Variants in LSM14A observed in about 807,000 individuals in gnomAD.
LSM14A encodes protein LSM14 homolog A.
LSM14A carries 14 observed loss-of-function variants against 52.4 expected under a neutral mutation model. That is an observed-to-expected ratio of 0.27 (90% CI 0.18 to 0.42). The LOEUF is 0.42. Ranked by LOEUF, LSM14A falls within the 10% of genes least tolerant of loss-of-function variation. LSM14A has a pLI of 1.00. For synonymous variants in LSM14A, 185 were observed against 200.3 expected (o/e 0.92, Z 0.64); for missense variants, 417 against 581.8 (o/e 0.72, Z 2.91).
At chr19:34,197,431 C>CTTTTTTTTTTTTTTTTTTTTTTTTT (rs531343486) in intron 3 of LSM14A, among the ~76,000 whole-genome samples, 2 of 63,304 alleles carry the variant, frequency 3.2e-5, no homozygotes, top group Non-Finnish European at 5.6e-5. Context: ...ATTTCTTTTT[C>CTTTTTTTTTTTTTTTTTTTTTTTTT]TTTTTTTTTT....
chr19:34,227,334 A>G (rs769627806), intron 9 of LSM14A, 31 bp from the exon 10 acceptor site: 1 of 1,511,504 alleles, frequency 6.6e-7, no homozygotes, highest in Non-Finnish European at 9.1e-7. Context: ...AATAATTTGG[A>G]ACATGAGCTA....
At chr19:34,221,482 T>C in intron 8 of LSM14A, 25 bp from the exon 9 acceptor site, 5 of 1,604,214 alleles carry the variant, frequency 3.1e-6, no homozygotes, top group Non-Finnish European at 4.3e-6. Flanking sequence ...CCTGATATGC[T>C]GAAGATTATT....
At chr19:34,191,978 T>C (rs1247067215) in intron 1 of LSM14A, among the ~76,000 whole-genome samples, 1 of 148,718 alleles carries the variant, frequency 6.7e-6, no homozygotes, top group Non-Finnish European at 1.5e-5. Context: ...CCTGTCCCCA[T>C]CTTAGCAAGT....
chr19:34,179,052 T>TA (rs1021545122), intron 1 of LSM14A, among the ~76,000 whole-genome samples: 5 of 152,218 alleles, frequency 3.3e-5, no homozygotes, highest in Admixed American at 6.5e-5. Context: ...GAAATTCTTA[T>TA]AAAAAATAAA....
At position 34,172,540 on chromosome 19, in the gene LSM14A, C is replaced by G; in HGVS notation, c.-103C>G. ...CGCCGCCGCCATGTTGGGTCTGAAGCGGCTGCTGTAGGCGCCGACGGAGCG... is the reference window on the plus strand; with the variant it reads ...CGCCGCCGCCATGTTGGGTCTGAAGGGGCTGCTGTAGGCGCCGACGGAGCG... On this transcript the variant is annotated 5_prime_UTR_variant, in exon 1 of 10. Transcript: ENST00000544216. 4.5e-6 allele frequency: 6 copies of G among 1,330,942 alleles called. No homozygotes were observed. The highest frequency in any genetic ancestry group is 5.9e-6 in the Non-Finnish European group (6 of 1,025,406). 82.4% of individuals were successfully genotyped at this position (1,330,942 alleles called of 1,614,324 possible).
intron 2 of LSM14A, chr19:34,195,250 T>C (rs1229155516): frequency 6.6e-6 from 1 of 150,740 alleles, no homozygotes; most frequent in African/African-American, 2.4e-5. Flanking sequence ...TGAACTCGGC[T>C]CACTACAACC....
intron 5 of LSM14A, 39 bp downstream of exon 5, chr19:34,215,339 T>A (rs745782065): frequency 2.0e-6 from 3 of 1,526,630 alleles, no homozygotes; most frequent in Non-Finnish European, 8.8e-7. Context: ...AATTGACTGA[T>A]CAATGTTTTC....
intron 1 of LSM14A, among the ~76,000 whole-genome samples, chr19:34,173,832 A>T (rs545128677): frequency 1.0e-4 from 15 of 150,388 alleles, no homozygotes; most frequent in Admixed American, 9.4e-4. Flanking sequence ...ATAAAGAAGA[A>T]GATTTTCGAA....
At chr19:34,197,228 A>G (rs77668686) in intron 3 of LSM14A, among the ~76,000 whole-genome samples, 3,414 of 151,778 alleles carry the variant, frequency 0.022, 118 homozygotes, top group African/African-American at 0.067. Context: ...GATAGCTGAG[A>G]TTACGATATG....
At chr19:34,188,143 C>T (rs187914719) in intron 1 of LSM14A, among the ~76,000 whole-genome samples, 1 of 151,906 alleles carries the variant, frequency 6.6e-6, no homozygotes, top group East Asian at 1.9e-4. Flanking sequence ...AAAAATTAGC[C>T]AGGTGTAGTG....
chr19:34,204,313 A>G (rs951404644), intron 3 of LSM14A, among the ~76,000 whole-genome samples: 1 of 152,254 alleles, frequency 6.6e-6, no homozygotes, highest in African/African-American at 2.4e-5. Context: ...TAAACTTGAA[A>G]TTAATAAAGT....
intron 1 of LSM14A, among the ~76,000 whole-genome samples, chr19:34,193,557 G>A (rs2070622833): frequency 6.6e-6 from 1 of 152,152 alleles, no homozygotes; most frequent in Non-Finnish European, 1.5e-5. Context: ...GTTGCAGGTG[G>A]TCCCCAGTTT....
intron 3 of LSM14A, among the ~76,000 whole-genome samples, chr19:34,206,020 G>A (rs1377424012): frequency 1.3e-5 from 2 of 152,088 alleles, no homozygotes; most frequent in African/African-American, 2.4e-5. Context: ...GTGATAGTTT[G>A]GATGAAGTGG....
At chr19:34,218,060 G>A (rs1238938041) in intron 6 of LSM14A, among the ~76,000 whole-genome samples, 1 of 146,060 alleles carries the variant, frequency 6.8e-6, no homozygotes, top group Non-Finnish European at 1.5e-5. Context: ...CTGGAGTGTA[G>A]TGGTGCGATC....
chr19:34,225,643 C>T (rs1024623326), intron 9 of LSM14A, among the ~76,000 whole-genome samples: 1 of 152,154 alleles, frequency 6.6e-6, no homozygotes, highest in Non-Finnish European at 1.5e-5. Context: ...AATCTCTACG[C>T]TACCACACTC....
intron 3 of LSM14A, among the ~76,000 whole-genome samples, chr19:34,206,777 C>A (rs968601562): frequency 7.2e-5 from 11 of 152,166 alleles, no homozygotes; most frequent in Non-Finnish European, 1.6e-4. Context: ...TGGATCGTTA[C>A]AAGAAAATTA....
chr19:34,174,174 C>T (rs974503267), intron 1 of LSM14A, among the ~76,000 whole-genome samples: 17 of 152,194 alleles, frequency 1.1e-4, no homozygotes, highest in African/African-American at 4.1e-4. Flanking sequence ...GTCTCGAACT[C>T]CTGACCTCAG....
intron 1 of LSM14A, among the ~76,000 whole-genome samples, chr19:34,174,018 C>T (rs761290439): frequency 1.3e-5 from 2 of 152,066 alleles, no homozygotes; most frequent in Admixed American, 6.6e-5. Flanking sequence ...GCAATGATTT[C>T]GGCTCACTGC....
At chr19:34,188,283 C>T (rs1015706095) in intron 1 of LSM14A, among the ~76,000 whole-genome samples, 2 of 151,926 alleles carry the variant, frequency 1.3e-5, no homozygotes, top group Admixed American at 6.6e-5. Flanking sequence ...AGAGAAGGGA[C>T]GCTGTCTCAA....
Sources: allele counts gnomAD v4.1 joint callset (sites outside exome capture counted in the v4.1 genomes callset), GRCh38; gene constraint gnomAD v4.1.1; transcripts MANE v1.5; gene names NCBI Gene and HGNC (gene_info 2026-07-23, HGNC 2026-07-21).